Variants in LCA5L observed in about 807,000 individuals in gnomAD.
LCA5L encodes the protein lebercilin-like protein.
In LCA5L, 35 loss-of-function variants were observed where a neutral mutation model predicts 45.4. The observed-to-expected ratio is 0.77, with a 90% confidence interval of 0.59 to 1.02. The LOEUF is 1.02. Among genes scored for constraint, LCA5L ranks in the 50% least tolerant of loss-of-function variants. The pLI is 0.00. For missense variants in LCA5L, 668 were observed against 761.6 expected (o/e 0.88, Z 1.45); for synonymous variants, 233 against 264.7 (o/e 0.88, Z 1.16).
At chr21:39,442,153 G>A (rs897613690) in intron 2 of LCA5L, among the ~76,000 whole-genome samples, 1 of 152,212 alleles carries the variant, frequency 6.6e-6, no homozygotes, top group Non-Finnish European at 1.5e-5. Context: ...TCTGAGTTGA[G>A]ATAGGAAGGG....
chr21:39,419,605 C>T (rs1044620483), intron 7 of LCA5L, among the ~76,000 whole-genome samples: 11 of 151,802 alleles, frequency 7.2e-5, no homozygotes, highest in African/African-American at 2.2e-4. Flanking sequence ...ATATCCTAGC[C>T]CCCATAGTGA....
intron 3 of LCA5L, among the ~76,000 whole-genome samples, chr21:39,431,767 C>T (rs912273843): frequency 7.2e-5 from 11 of 152,126 alleles, no homozygotes; most frequent in African/African-American, 1.7e-4. Flanking sequence ...CTGCCCGCCT[C>T]GGGCTCCCAA....
intron 4 of LCA5L, 31 bp from the exon 5 acceptor site, chr21:39,428,534 G>T (rs749123143): frequency 1.8e-6 from 2 of 1,114,920 alleles, no homozygotes; most frequent in East Asian, 3.0e-5. Flanking sequence ...CCTAATAAAA[G>T]TATTTTTGAA....
At chr21:39,442,036 T>C (rs1423281578) in intron 2 of LCA5L, among the ~76,000 whole-genome samples, 2 of 152,072 alleles carry the variant, frequency 1.3e-5, no homozygotes, top group African/African-American at 4.8e-5. Context: ...GAACTAATCA[T>C]AATAGTGACT....
intron 2 of LCA5L, among the ~76,000 whole-genome samples, chr21:39,441,478 T>G (rs370670171): frequency 5.5e-4 from 83 of 152,292 alleles, no homozygotes; most frequent in African/African-American, 1.9e-3. Context: ...AGCACTAAAA[T>G]CCATAAATGA....
chr21:39,414,673 T>C (rs1046774022), intron 7 of LCA5L, among the ~76,000 whole-genome samples: 8 of 150,760 alleles, frequency 5.3e-5, no homozygotes, highest in Admixed American at 1.3e-4. Context: ...CTGCCAAGGC[T>C]AGGTCATAAA....
chr21:39,435,811 T>G (rs993562315), intron 2 of LCA5L, among the ~76,000 whole-genome samples: 1 of 152,190 alleles, frequency 6.6e-6, no homozygotes, highest in East Asian at 1.9e-4. Flanking sequence ...AATTTTTTTG[T>G]ATTTTTAGTA....
At chr21:39,414,713 C>CTCT (rs2040742196) in intron 7 of LCA5L, among the ~76,000 whole-genome samples, 1 of 119,882 alleles carries the variant, frequency 8.3e-6, no homozygotes, top group Non-Finnish European at 1.7e-5. Context: ...TGGTTCTCTC[C>CTCT]CTCTCTCTCT....
intron 7 of LCA5L, chr21:39,413,980 C>T (rs544303546): frequency 6.6e-6 from 1 of 152,424 alleles, no homozygotes; most frequent in Admixed American, 6.5e-5. Flanking sequence ...GACGGTCCTC[C>T]TTGCGGCTTG....
rs199749311 is a variant in LCA5L, at chr21:39,411,716, A to G, written c.1060+2T>C. On this transcript the variant is annotated splice_donor_variant, in intron 8 of 10. Coordinates refer to ENST00000288350, the MANE Select transcript of LCA5L (RefSeq NM_152505.4). LOFTEE classifies it high-confidence loss of function. ...TTTTGAGCAAAAGTAATTAAAACAT[A>G]CCTTTTGGATAGTCCTCTGTGTCAT... 7.1e-6 allele frequency: 10 copies of G among 1,400,510 alleles called. No homozygotes were observed. Among genetic ancestry groups the G allele is most frequent in the Non-Finnish European group, 7.9e-6 (8 of 1,018,940 alleles). The allele number at this position is 1,400,510 out of a possible 1,614,324, so 86.8% of individuals were successfully genotyped here.
At chr21:39,420,963 G>A in intron 6 of LCA5L, 120 bp from the exon 7 acceptor site, 1 of 701,266 alleles carries the variant, frequency 1.4e-6, no homozygotes, top group Non-Finnish European at 2.3e-6. Context: ...TTTAGTGAAT[G>A]ACTTATACAG....
chr21:39,426,741 A>G (rs896751764), intron 5 of LCA5L, among the ~76,000 whole-genome samples: 21 of 152,330 alleles, frequency 1.4e-4, no homozygotes, highest in African/African-American at 5.1e-4. Context: ...TCAAATGTGG[A>G]TAAGGAATTG....
At chr21:39,445,400 C>A (rs1429246001) in intron 1 of LCA5L, 1 of 152,316 alleles carries the variant, frequency 6.6e-6, no homozygotes, top group East Asian at 1.9e-4. Flanking sequence ...GTGAGATCGG[C>A]CTCCGCCCCC....
chr21:39,427,179 G>A (rs143527854), intron 5 of LCA5L, among the ~76,000 whole-genome samples: 236 of 152,258 alleles, frequency 1.5e-3, no homozygotes, highest in African/African-American at 5.5e-3. Flanking sequence ...GTTGACTGAA[G>A]TGCTCTGATG....
intron 8 of LCA5L, 40 bp downstream of exon 8, chr21:39,411,678 A>T: frequency 9.6e-7 from 1 of 1,036,820 alleles, no homozygotes; most frequent in Non-Finnish European, 1.4e-6. Flanking sequence ...CTGACTAGAT[A>T]CTTAAAAATA....
intron 5 of LCA5L, among the ~76,000 whole-genome samples, chr21:39,423,815 C>T (rs1006767310): frequency 6.6e-6 from 1 of 152,100 alleles, no homozygotes; most frequent in African/African-American, 2.4e-5. Context: ...TCTTCTTTGA[C>T]TCTAAAATCT....
chr21:39,413,607 T>G (rs1238336219), intron 7 of LCA5L, among the ~76,000 whole-genome samples: 1 of 152,198 alleles, frequency 6.6e-6, no homozygotes, highest in African/African-American at 2.4e-5. Flanking sequence ...AATTTAAGTT[T>G]CTGGAGGCAA....
At chr21:39,437,056 G>A (rs1325553634) in intron 2 of LCA5L, among the ~76,000 whole-genome samples, 1 of 152,126 alleles carries the variant, frequency 6.6e-6, no homozygotes, top group Non-Finnish European at 1.5e-5. Flanking sequence ...GAGTTCCTGA[G>A]AATATTAAGT....
At chr21:39,440,946 T>G (rs1482583600) in intron 2 of LCA5L, among the ~76,000 whole-genome samples, 2 of 152,242 alleles carry the variant, frequency 1.3e-5, no homozygotes, top group East Asian at 3.8e-4. Flanking sequence ...TCAAGAACAT[T>G]ATTTCAAACA....
Sources: allele counts gnomAD v4.1 joint callset (sites outside exome capture counted in the v4.1 genomes callset), GRCh38; gene constraint gnomAD v4.1.1; transcripts MANE v1.5; gene names NCBI Gene and HGNC (gene_info 2026-07-23, HGNC 2026-07-21).